The following SDC2 variants were observed in gnomAD, a reference collection of about 807,000 sequenced individuals.
SDC2 encodes the protein syndecan-2.
Under a neutral mutation model 22.2 loss-of-function variants are expected in SDC2, and 13 were observed. The observed-to-expected ratio is 0.59, with a 90% confidence interval of 0.38 to 0.93. The LOEUF is 0.93. SDC2 is among the 40% of genes least tolerant of loss of function. The probability of loss-of-function intolerance (pLI) is 0.00; values close to 1 mark genes in which losing one functional copy is unlikely to be tolerated. For synonymous variants in SDC2, 94 were observed against 92.8 expected (o/e 1.01, Z -0.07); for missense variants, 235 against 246.8 (o/e 0.95, Z 0.32).
At chr8:96,500,140 G>A (rs184892854) in intron 1 of SDC2, among the ~76,000 whole-genome samples, 1 of 152,262 alleles carries the variant, frequency 6.6e-6, no homozygotes, top group East Asian at 1.9e-4. Flanking sequence ...TTGGTGTCAA[G>A]AATAAAGAAG....
chr8:96,558,734 T>C (rs1429713986), intron 1 of SDC2, among the ~76,000 whole-genome samples: 3 of 152,136 alleles, frequency 2.0e-5, no homozygotes, highest in African/African-American at 7.2e-5. Context: ...AAATATTAAA[T>C]AACATTACAA....
intron 1 of SDC2, among the ~76,000 whole-genome samples, chr8:96,579,562 A>G (rs1394850441): frequency 6.6e-6 from 1 of 152,262 alleles, no homozygotes; most frequent in Non-Finnish European, 1.5e-5. Context: ...CTTAGAATTG[A>G]TACTTTTCTC....
intron 2 of SDC2, among the ~76,000 whole-genome samples, chr8:96,597,881 T>C (rs909759443): frequency 4.6e-5 from 7 of 152,258 alleles, no homozygotes; most frequent in African/African-American, 1.7e-4. Flanking sequence ...GGCGATAGGC[T>C]AATTGTATTT....
chr8:96,537,884 G>T (rs1813779070), intron 1 of SDC2, among the ~76,000 whole-genome samples: 1 of 152,150 alleles, frequency 6.6e-6, no homozygotes, highest in Non-Finnish European at 1.5e-5. Context: ...GTTTAGTCTT[G>T]GGGCATGGTC....
Position 96,514,819 on chromosome 8 carries a change from G to A in SDC2, c.60+20488G>A, listed in dbSNP as rs1813377837. Among the ~76,000 whole-genome samples, 3 of 152,140 alleles carry A rather than the reference G, an allele frequency of 2.0e-5. No homozygotes were observed. The South Asian group carries it at 6.2e-4, about 32-fold the overall frequency. Reference sequence around the variant, plus strand: ...TGCTGCCACTGATCTGACAGGAGGCGGAGTGCAGGCGGTAATGAGATTGGA... The same window carrying A: ...TGCTGCCACTGATCTGACAGGAGGCAGAGTGCAGGCGGTAATGAGATTGGA... On this transcript the variant is annotated intron_variant, in intron 1 of 4. Transcript: ENST00000302190.
chr8:96,556,258 A>C (rs1814110607), intron 1 of SDC2, among the ~76,000 whole-genome samples: 1 of 152,186 alleles, frequency 6.6e-6, no homozygotes, highest in African/African-American at 2.4e-5. Context: ...TATGTTTATC[A>C]GAGAATGAAA....
At chr8:96,548,781 G>C (rs1813976867) in intron 1 of SDC2, among the ~76,000 whole-genome samples, 1 of 152,302 alleles carries the variant, frequency 6.6e-6, no homozygotes. Flanking sequence ...TTAACATTGA[G>C]CGTCTGCTTT....
Position 96,591,377 on chromosome 8 carries a change from A to T in SDC2, c.61-2103A>T, listed in dbSNP as rs1283736986. On this transcript the variant is annotated intron_variant, in intron 1 of 4. Transcript: ENST00000302190. ...GGTCTCCTAGGCTTAAAATGGAGAG[A>T]TTTTAAACTACGAGGATCCTGGAGG... is the stretch of plus-strand genomic sequence containing the variant. Among the ~76,000 whole-genome samples the T allele has an allele frequency of 3.3e-5, 5 of 152,140 alleles. No homozygotes were observed. In the East Asian group the frequency reaches 9.7e-4, roughly 29 times the overall value.
chr8:96,600,481 CA>C (rs1814960348), intron 2 of SDC2, among the ~76,000 whole-genome samples: 1 of 152,176 alleles, frequency 6.6e-6, no homozygotes, highest in South Asian at 2.1e-4. Context: ...ACTTGTTGAA[CA>C]AATACCAGAT....
chr8:96,606,116 G>A (rs527799411), intron 3 of SDC2, among the ~76,000 whole-genome samples: 8 of 152,102 alleles, frequency 5.3e-5, no homozygotes, highest in Non-Finnish European at 1.0e-4. Flanking sequence ...GAGCTGAGAA[G>A]GATTATTGTC....
At chr8:96,494,477 C>G (rs943040542) in intron 1 of SDC2, 146 bp downstream of exon 1, 7 of 712,218 alleles carry the variant, frequency 9.8e-6, no homozygotes, top group Non-Finnish European at 1.5e-5. Context: ...TGCGCTCGTC[C>G]GGTCACCCTT....
intron 1 of SDC2, among the ~76,000 whole-genome samples, chr8:96,539,235 A>G (rs964338321): frequency 3.9e-5 from 6 of 152,250 alleles, no homozygotes; most frequent in East Asian, 1.9e-4. Flanking sequence ...TTCTACAGAC[A>G]TGACCTGAAA....
chr8:96,508,428 G>A (rs111448677), intron 1 of SDC2, among the ~76,000 whole-genome samples: 1,784 of 151,750 alleles, frequency 0.012, 40 homozygotes, highest in African/African-American at 0.04. Context: ...AGGAGGCGGA[G>A]GTCGCAGTGA....
intron 1 of SDC2, among the ~76,000 whole-genome samples, chr8:96,583,210 C>T (rs1159551249): frequency 2.0e-5 from 3 of 147,682 alleles, no homozygotes; most frequent in Non-Finnish European, 4.5e-5. Flanking sequence ...CCTTGGCCTC[C>T]CAAAGTGCTG....
At chr8:96,523,617 T>TA (rs1161399628) in intron 1 of SDC2, among the ~76,000 whole-genome samples, 1 of 152,172 alleles carries the variant, frequency 6.6e-6, no homozygotes, top group Non-Finnish European at 1.5e-5. Context: ...GGACTGCTAT[T>TA]ATAGCCCAAA....
chr8:96,594,944 G>A (rs1395987570), intron 2 of SDC2, among the ~76,000 whole-genome samples: 1 of 152,200 alleles, frequency 6.6e-6, no homozygotes, highest in Non-Finnish European at 1.5e-5. Flanking sequence ...CCATGAGTCA[G>A]TGATCTCCCA....
chr8:96,553,772 A>AT (rs5893392), intron 1 of SDC2, among the ~76,000 whole-genome samples: 16 of 149,414 alleles, frequency 1.1e-4, no homozygotes, highest in Admixed American at 4.7e-4. Context: ...TTATTTAAAG[A>AT]TTTTTTTTTT....
intron 1 of SDC2, among the ~76,000 whole-genome samples, chr8:96,573,490 T>C (rs1814437290): frequency 6.6e-6 from 1 of 151,816 alleles, no homozygotes; most frequent in African/African-American, 2.4e-5. Context: ...TGAGGTCTTA[T>C]CCATGTAAAG....
At chr8:96,506,461 A>G (rs1813240049) in intron 1 of SDC2, among the ~76,000 whole-genome samples, 2 of 151,040 alleles carry the variant, frequency 1.3e-5, no homozygotes, top group Non-Finnish European at 2.9e-5. Context: ...TATATTATAT[A>G]CATTACATAT....
Sources: gnomAD v4.1 joint callset for allele counts (sites outside exome capture counted in the v4.1 genomes callset) on GRCh38, gnomAD v4.1.1 for gene constraint, MANE v1.5 for transcripts, NCBI Gene and HGNC (gene_info 2026-07-23, HGNC 2026-07-21) for gene names.